SOAT2: variants seen among roughly 807,000 people sequenced by gnomAD.
The protein encoded by SOAT2 is ACAT-2.
In SOAT2, 87 loss-of-function variants were observed where a neutral mutation model predicts 76.0. The ratio of observed to expected loss-of-function variants is 1.14; its 90% confidence interval spans 0.96 to 1.37. SOAT2 has a LOEUF of 1.37. Among genes scored for constraint, SOAT2 ranks in the 40% most tolerant of loss-of-function variants. The pLI is 0.00. For synonymous variants in SOAT2, 285 were observed against 275.4 expected (o/e 1.03, Z -0.34); for missense variants, 686 against 682.1 (o/e 1.01, Z -0.06).
chr12:53,121,166 C>G (rs982750628), intron 11 of SOAT2, 137 bp from the exon 12 acceptor site: 1 of 691,412 alleles, frequency 1.4e-6, no homozygotes, highest in Admixed American at 2.2e-5. Context: ...GGGAGAGTGT[C>G]TGCTGTCCCT....
In SOAT2 at chr12:53,119,141, C is replaced by G. The variant is rs760333562; in HGVS notation, c.927C>G (p.Leu309=). The part of the protein sequence containing the change: ...KNFAQALGCV[L]YACFILGRLC... Reference sequence around the variant, plus strand: ...CCCTCCAGGCCCTGGGATGTGTGCTCTATGCCTGCTTCATCCTGGGCCGCC... The same window carrying G: ...CCCTCCAGGCCCTGGGATGTGTGCTGTATGCCTGCTTCATCCTGGGCCGCC... The change falls in exon 10 of 15, where the codon CTC becomes CTG. Residue 309 remains leucine (L), a synonymous_variant. Coordinates refer to ENST00000301466, the MANE Select transcript of SOAT2 (RefSeq NM_003578.4). 3 of 1,613,982 alleles carry G rather than the reference C, an allele frequency of 1.9e-6. No homozygotes were observed. In the East Asian group the frequency reaches 6.7e-5, roughly 36 times the overall value.
intron 7 of SOAT2, 69 bp downstream of exon 7, chr12:53,116,235 A>G: frequency 7.0e-7 from 1 of 1,419,184 alleles, no homozygotes; most frequent in Non-Finnish European, 9.9e-7. Context: ...CAGCAGGTGC[A>G]GGATCCTGAT....
At chr12:53,113,165 G>C (rs1294054522) in intron 5 of SOAT2, among the ~76,000 whole-genome samples, 2 of 152,172 alleles carry the variant, frequency 1.3e-5, no homozygotes, top group Non-Finnish European at 2.9e-5. Context: ...ACAAGGGGGA[G>C]TGCACTCAGG....
chr12:53,113,297 AAAC>A (rs1938051488), intron 5 of SOAT2, among the ~76,000 whole-genome samples: 1 of 152,170 alleles, frequency 6.6e-6, no homozygotes, highest in African/African-American at 2.4e-5. Flanking sequence ...CCCAATAGGA[AAAC>A]AATAGGCTCC....
exon 15 of SOAT2, chr12:53,124,530 TATTCATTC>T (rs34506725): frequency 7.1e-3 from 1,294 of 182,172 alleles, 12 homozygotes; most frequent in African/African-American, 0.016. Flanking sequence ...TCTCCCTTTT[TATTCATTC>T]ATTCATTCAT....
Position 53,118,945 on chromosome 12 carries a change from T to C in SOAT2, c.909+10T>C, listed in dbSNP as rs1938146274. On this transcript the variant is annotated intron_variant, in intron 9 of 14. Transcript: ENST00000301466. ...CAAGAACTTTGCCCAGGTGAGAAGA[T>C]AGGGTAGAAGGGTGGACCTGTGACT... 6.2e-7 allele frequency: 1 copy of C among 1,613,918 alleles called. No individual in the cohort carries two copies. Among genetic ancestry groups the C allele is most frequent in the South Asian group, 1.1e-5 (1 of 91,066 alleles).
chr12:53,103,641 C>A lies in SOAT2; in HGVS notation c.64C>A (p.Arg22Ser), dbSNP rs117925242. The change falls in exon 1 of 15, where the codon CGC (arginine) becomes AGC (serine). Residue 22 changes from arginine (R) to serine (S), a missense_variant. Coordinates refer to ENST00000301466, the MANE Select transcript of SOAT2 (RefSeq NM_003578.4). ...AGAAGGGCTGGGAGGGGAGCGGGAG[C>A]GCCAACCCTGTGGAGATGGTGAGCC... The part of the protein sequence containing the change: ...RTEGLGGERE[R>S]QPCGDGNTET... The A allele has an allele frequency of 1.3e-6, 2 of 1,539,418 alleles. No homozygotes were observed. Among genetic ancestry groups the A allele is most frequent in the Non-Finnish European group, 1.7e-6 (2 of 1,144,008 alleles).
intron 6 of SOAT2, 47 bp downstream of exon 6, chr12:53,115,701 G>C: frequency 6.8e-7 from 1 of 1,463,278 alleles, no homozygotes; most frequent in South Asian, 1.4e-5. Context: ...CAGCTGGTGG[G>C]GCCATCTCAG....
In SOAT2 at chr12:53,106,009, G is replaced by C; in HGVS notation, c.438G>C (p.Glu146Asp). Residue 146 changes from glutamate (E) to aspartate (D), a missense_variant, in exon 5 of 15, where the codon GAG becomes GAC. Glu to Asp is a conservative substitution (Grantham distance 45). Coordinates refer to ENST00000301466, the MANE Select transcript of SOAT2 (RefSeq NM_003578.4). Reference protein sequence around the residue: ...ISTLAIDFIDEGRLLLEFDLL... With the variant: ...ISTLAIDFIDDGRLLLEFDLL... ...CCCTGGCCATCGACTTCATTGATGA[G>C]GGCAGGTAGGTCCCCTTCCCACCTG... 6.2e-7 allele frequency: 1 copy of C among 1,611,530 alleles called. No individual in the cohort carries two copies. Among genetic ancestry groups the C allele is most frequent in the Non-Finnish European group, 8.5e-7 (1 of 1,177,830 alleles).
rs141651111 is a variant in SOAT2 at position 53,118,350 on chromosome 12, G to T, written c.779G>T (p.Gly260Val). 1,614 of 1,606,482 alleles carry T rather than the reference G, an allele frequency of 1.0e-3. 4 individuals are homozygous for T. Among genetic ancestry groups the T allele is most frequent in the Non-Finnish European group, 1.3e-3 (1,503 of 1,174,550 alleles). ...ATCCACCCCTCTCATTCCTCCCCAG[G>T]TGAGGGGATCCAGGCCCCCAGTTTC... is the stretch of plus-strand genomic sequence containing the variant. Reference protein sequence around the residue: ...AVPGTLRARRGEGIQAPSFSS... With the variant: ...AVPGTLRARRVEGIQAPSFSS... Residue 260 changes from glycine to valine, a missense_variant and splice_region_variant, in exon 8 of 15, where the codon GGT becomes GTT. Coordinates refer to ENST00000301466, the MANE Select transcript of SOAT2 (RefSeq NM_003578.4).
intron 5 of SOAT2, among the ~76,000 whole-genome samples, chr12:53,111,897 A>G (rs1243298286): frequency 1.3e-5 from 2 of 152,218 alleles, no homozygotes; most frequent in Non-Finnish European, 2.9e-5. Context: ...ACTCTTTTAT[A>G]TATTTTCAGT....
At chr12:53,122,485 C>T (rs1235401809) in intron 12 of SOAT2, among the ~76,000 whole-genome samples, 4 of 146,404 alleles carry the variant, frequency 2.7e-5, no homozygotes, top group Non-Finnish European at 4.4e-5. Context: ...TGCGGCCTTC[C>T]GCAGTGTTTG....
In SOAT2 at chr12:53,104,976, A is replaced by AC. The variant is rs558600828; in HGVS notation, c.139-125dup. The AC allele has an allele frequency of 6.4e-4, 537 of 841,738 alleles. 2 individuals are homozygous for AC. In the African/African-American group the frequency reaches 9.5e-3, roughly 15 times the overall value. The allele number at this position is 841,738 out of a possible 1,614,324, so 52.1% of individuals were successfully genotyped here. A position where few individuals can be genotyped will look rare whatever the true frequency, so the allele number is the denominator to read the frequency against. On this transcript the variant is annotated intron_variant, in intron 2 of 14. Coordinates refer to ENST00000301466, the MANE Select transcript of SOAT2 (RefSeq NM_003578.4). ...CACCACTGAACCCCCATCCCTGCTG[A>AC]CCCCCCAGGTTGTTTTTTTTTTTAA...
Position 53,116,150 on chromosome 12 carries a change from C to G in SOAT2, c.762C>G (p.Thr254=). The change falls in exon 7 of 15, where the codon ACC becomes ACG. Residue 254 remains threonine (T), a synonymous_variant. Transcript: ENST00000301466. ...TCCTGAGAGAGGCTGTGCCTGGGAC[C>G]CTTCGTGCCAGACGAGGTGAGGCCT... ...YSFLREAVPG[T]LRARRGEGIQ... The G allele has an allele frequency of 1.9e-6, 3 of 1,614,042 alleles. No individual in the cohort carries two copies. Among genetic ancestry groups the G allele is most frequent in the Non-Finnish European group, 1.7e-6 (2 of 1,179,900 alleles).
Position 53,112,749 on chromosome 12 carries a change from C to G in SOAT2, c.444-2641C>G, listed in dbSNP as rs541701571. Among the ~76,000 whole-genome samples, 11 of 151,186 alleles carry G rather than the reference C, an allele frequency of 7.3e-5. No individual in the cohort carries two copies. In the South Asian group the frequency reaches 2.3e-3, roughly 32 times the overall value. Reference sequence around the variant, plus strand: ...AGTGGCCTCTCAGCAGGAATGGACCCAATACCTCCCATTTTCTTTTTTTTC... The same window carrying G: ...AGTGGCCTCTCAGCAGGAATGGACCGAATACCTCCCATTTTCTTTTTTTTC... On this transcript the variant is annotated intron_variant, in intron 5 of 14. Coordinates refer to ENST00000301466, the MANE Select transcript of SOAT2 (RefSeq NM_003578.4).
At chr12:53,115,336 G>A (rs1938083226) in intron 5 of SOAT2, 54 bp from the exon 6 acceptor site, 6 of 1,518,756 alleles carry the variant, frequency 4.0e-6, no homozygotes, top group Non-Finnish European at 5.3e-6. Context: ...TGAAGAGGAA[G>A]GGGACAAGAA....
intron 4 of SOAT2, 48 bp downstream of exon 4, chr12:53,105,668 G>T: frequency 6.5e-7 from 1 of 1,536,930 alleles, no homozygotes; most frequent in Non-Finnish European, 8.9e-7. Context: ...AAGGGCTTTG[G>T]CTAGGGGTCA....
At chr12:53,116,804 G>C (rs1440475012) in intron 7 of SOAT2, among the ~76,000 whole-genome samples, 8 of 151,676 alleles carry the variant, frequency 5.3e-5, no homozygotes, top group Admixed American at 5.3e-4. Context: ...GGAGGTGAAG[G>C]CTGCAGTGAG....
At chr12:53,116,322 A>G (rs1208204960) in intron 7 of SOAT2, among the ~76,000 whole-genome samples, 156 bp downstream of exon 7, 1 of 152,198 alleles carries the variant, frequency 6.6e-6, no homozygotes, top group East Asian at 1.9e-4. Flanking sequence ...GTGGGCCTTC[A>G]TCATTAGGCA....
Sources: gnomAD v4.1 joint callset for allele counts (sites outside exome capture counted in the v4.1 genomes callset) on GRCh38, gnomAD v4.1.1 for gene constraint, MANE v1.5 for transcripts, NCBI Gene and HGNC (gene_info 2026-07-23, HGNC 2026-07-21) for gene names.